Variants in PDE10A observed in about 807,000 individuals in gnomAD.
PDE10A encodes phosphodiesterase 10A.
Under a neutral mutation model 97.7 loss-of-function variants are expected in PDE10A, and 39 were observed. The ratio of observed to expected loss-of-function variants is 0.40; its 90% CI spans 0.31 to 0.52. The LOEUF (loss-of-function observed/expected upper bound fraction) is 0.52. Ranked by LOEUF, PDE10A falls within the 20% of genes least tolerant of loss-of-function variation. The pLI is 0.56. For synonymous variants in PDE10A, 371 were observed against 376.8 expected (o/e 0.98, Z 0.18); for missense variants, 731 against 1,047.8 (o/e 0.70, Z 4.17).
chr6:165,779,920 C>A (rs960544640), intron 1 of PDE10A, among the ~76,000 whole-genome samples: 1 of 152,218 alleles, frequency 6.6e-6, no homozygotes, highest in Non-Finnish European at 1.5e-5. Context: ...CTCTTCAATT[C>A]ACTCCGCTGG....
intron 1 of PDE10A, among the ~76,000 whole-genome samples, chr6:165,600,543 C>T (rs1309699543): frequency 6.6e-6 from 1 of 152,194 alleles, no homozygotes; most frequent in Non-Finnish European, 1.5e-5. Flanking sequence ...GCATATATTT[C>T]TTCCAGGTTC....
chr6:165,900,320 A>T (rs936648318), intron 1 of PDE10A, among the ~76,000 whole-genome samples: 5 of 152,094 alleles, frequency 3.3e-5, no homozygotes, highest in African/African-American at 1.2e-4. Flanking sequence ...AAAAATACAA[A>T]AATTAGCTGG....
intron 18 of PDE10A, among the ~76,000 whole-genome samples, chr6:165,357,489 A>G (rs536339982): frequency 1.3e-4 from 20 of 152,136 alleles, no homozygotes; most frequent in South Asian, 6.2e-4. Context: ...ACCCCACATG[A>G]AGCTGTTGAG....
At chr6:165,452,859 T>G (rs112110364) in intron 3 of PDE10A, among the ~76,000 whole-genome samples, 42 of 149,604 alleles carry the variant, frequency 2.8e-4, no homozygotes, top group African/African-American at 1.0e-3. Context: ...GAACCTAGAC[T>G]GCAATAAAGG....
At chr6:165,718,437 T>C (rs920265728) in intron 1 of PDE10A, 1 of 152,166 alleles carries the variant, frequency 6.6e-6, no homozygotes, top group African/African-American at 2.4e-5. Flanking sequence ...ACAAAGGGTT[T>C]ATGCTTTAGA....
intron 1 of PDE10A, among the ~76,000 whole-genome samples, chr6:165,599,647 A>C (rs1786816745): frequency 6.6e-6 from 1 of 152,232 alleles, no homozygotes; most frequent in Admixed American, 6.5e-5. Flanking sequence ...ACCTCGTAAC[A>C]GTAAGAATTT....
chr6:165,880,905 G>A (rs1413769852), intron 1 of PDE10A, among the ~76,000 whole-genome samples: 1 of 152,144 alleles, frequency 6.6e-6, no homozygotes, highest in Non-Finnish European at 1.5e-5. Context: ...TGTGCATTTC[G>A]AGGGAAATTT....
intron 2 of PDE10A, among the ~76,000 whole-genome samples, chr6:165,510,681 G>GT (rs1236497457): frequency 9.2e-5 from 14 of 151,936 alleles, no homozygotes; most frequent in African/African-American, 3.4e-4. Flanking sequence ...GGGAGACATT[G>GT]TATTTCTGAT....
intron 2 of PDE10A, among the ~76,000 whole-genome samples, chr6:165,498,176 T>C (rs1031337890): frequency 6.6e-6 from 1 of 151,448 alleles, no homozygotes; most frequent in Non-Finnish European, 1.5e-5. Context: ...CTTTGGGAGC[T>C]AGGGTGGGAG....
At chr6:165,398,436 A>C (rs1001382152) in intron 13 of PDE10A, among the ~76,000 whole-genome samples, 1 of 151,756 alleles carries the variant, frequency 6.6e-6, no homozygotes, top group Non-Finnish European at 1.5e-5. Context: ...TTCAGTGAGC[A>C]AAGATTGCAC....
intron 1 of PDE10A, among the ~76,000 whole-genome samples, chr6:165,802,504 A>T (rs1779009907): frequency 6.6e-6 from 1 of 152,232 alleles, no homozygotes; most frequent in Non-Finnish European, 1.5e-5. Context: ...AAACACAGGA[A>T]CTACAATTTG....
chr6:165,417,333 G>A (rs944397083), intron 11 of PDE10A, among the ~76,000 whole-genome samples: 29 of 151,890 alleles, frequency 1.9e-4, no homozygotes, highest in Middle Eastern at 3.2e-3. Flanking sequence ...TCTTTGCGTT[G>A]GTCTGAGAGC....
intron 1 of PDE10A, among the ~76,000 whole-genome samples, chr6:165,595,758 T>C (rs1786549274): frequency 6.6e-6 from 1 of 152,220 alleles, no homozygotes; most frequent in African/African-American, 2.4e-5. Flanking sequence ...AGGCCCCTTC[T>C]TCATAGATGA....
At chr6:165,541,785 C>T (rs1240350056) in intron 2 of PDE10A, among the ~76,000 whole-genome samples, 1 of 152,098 alleles carries the variant, frequency 6.6e-6, no homozygotes, top group Non-Finnish European at 1.5e-5. Context: ...GAAGACAATG[C>T]CTGTTTCTGA....
intron 18 of PDE10A, among the ~76,000 whole-genome samples, chr6:165,377,387 T>C (rs951159705): frequency 3.9e-5 from 6 of 152,156 alleles, no homozygotes; most frequent in Non-Finnish European, 8.8e-5. Context: ...TACCTCTATA[T>C]TATTTGAATT....
chr6:165,335,731 C>A (rs981616795), intron 21 of PDE10A, among the ~76,000 whole-genome samples: 1 of 152,068 alleles, frequency 6.6e-6, no homozygotes, highest in African/African-American at 2.4e-5. Flanking sequence ...AAAGACCTGG[C>A]ACCCCACTCA....
In PDE10A at chr6:165,385,270, T is replaced by C. The variant is rs1785226322; in HGVS notation, c.2610+3028A>G. ...AGCCTGCATTCCTGGGTCAATGAGA[T>C]TGCCACCACAGAGATATAAAATACA... On this transcript the variant is annotated intron_variant, in intron 17 of 21. Transcript: ENST00000539869. Among the ~76,000 whole-genome samples, 12 of 151,922 alleles carry C rather than the reference T, an allele frequency of 7.9e-5. No individual in the cohort carries two copies. In the South Asian group the frequency reaches 2.5e-3, roughly 32 times the overall value.
chr6:165,805,266 G>C (rs1779103682), intron 1 of PDE10A, among the ~76,000 whole-genome samples: 1 of 152,088 alleles, frequency 6.6e-6, no homozygotes, highest in African/African-American at 2.4e-5. Context: ...CAGCGGCTCC[G>C]AGGGACGCCG....
At chr6:165,576,456 T>C (rs1469148331) in intron 1 of PDE10A, 1 of 780,818 alleles carries the variant, frequency 1.3e-6, no homozygotes, top group Non-Finnish European at 2.4e-6. Flanking sequence ...CATTCTACAT[T>C]CTTTTCCTTC....
Sources: allele counts gnomAD v4.1 joint callset (sites outside exome capture counted in the v4.1 genomes callset), GRCh38; gene constraint gnomAD v4.1.1; transcripts MANE v1.5; gene names NCBI Gene and HGNC (gene_info 2026-07-23, HGNC 2026-07-21).